The following CSMD2 variants were observed in gnomAD, a reference collection of about 807,000 sequenced individuals.
CSMD2 encodes the protein CUB and sushi domain-containing protein 2.
In CSMD2, 130 loss-of-function variants were observed where a neutral mutation model predicts 398.5. The observed-to-expected ratio is 0.33, with a 90% CI of 0.28 to 0.38. CSMD2 has a LOEUF of 0.38. Among genes scored for constraint, CSMD2 ranks in the 10% least tolerant of loss-of-function variants. The pLI is 1.00. For missense variants in CSMD2, 3,829 were observed against 4,764.9 expected, an observed-to-expected ratio of 0.80 and a Z score of 5.78; for synonymous variants, 1,828 against 1,908.5, an observed-to-expected ratio of 0.96 and a Z score of 1.10.
chr1:33,767,306 G>T (rs1424571448), intron 13 of CSMD2, among the ~76,000 whole-genome samples: 2 of 152,266 alleles, frequency 1.3e-5, no homozygotes, highest in African/African-American at 2.4e-5. Flanking sequence ...AAATCAGTTT[G>T]GTTTAAGGGA....
At chr1:34,086,431 G>A (rs937951532) in intron 2 of CSMD2, among the ~76,000 whole-genome samples, 3 of 152,114 alleles carry the variant, frequency 2.0e-5, no homozygotes, top group African/African-American at 7.2e-5. Context: ...TTCTCCACCT[G>A]GATATCTAAT....
At chr1:33,603,208 G>A (rs1254322514) in intron 42 of CSMD2, among the ~76,000 whole-genome samples, 3 of 152,122 alleles carry the variant, frequency 2.0e-5, no homozygotes, top group African/African-American at 7.2e-5. Context: ...CCTGGAAGAG[G>A]ACGCATTTGC....
rs57869140 is a variant in CSMD2 at position 33,956,207 on chromosome 1, TAA to T, written c.518-20255_518-20254del. 2.9e-3 allele frequency among the ~76,000 whole-genome samples: 414 copies of T among 142,808 alleles called. 1 individual carries two copies. The highest frequency in any genetic ancestry group is 9.6e-3 in the African/African-American group (378 of 39,486). The allele number at this position is 142,808 out of a possible 152,430, so 93.7% of individuals were successfully genotyped here. On this transcript the variant is annotated intron_variant, in intron 3 of 70. Transcript: ENST00000373381. The stretch of plus-strand genomic sequence containing the variant: ...ACATGTACCCTAGAACTTAAAGTAT[TAA>T]AAAAAAAAAAAAGAATATTCACATT...
intron 21 of CSMD2, 139 bp downstream of exon 21, chr1:33,714,447 CG>C (rs1399032273): frequency 3.1e-6 from 3 of 972,320 alleles, no homozygotes; most frequent in African/African-American, 3.3e-5. Context: ...TTACCTGCCC[CG>C]GGTCCCACTG....
intron 7 of CSMD2, 72 bp from the exon 8 acceptor site, chr1:33,820,628 C>T: frequency 9.8e-7 from 1 of 1,025,132 alleles, no homozygotes; most frequent in East Asian, 2.4e-5. Flanking sequence ...GAGGCACCAG[C>T]TGGGGCAATG....
intron 2 of CSMD2, among the ~76,000 whole-genome samples, chr1:34,085,467 T>C (rs1012079258): frequency 1.6e-4 from 24 of 152,164 alleles, no homozygotes; most frequent in African/African-American, 5.8e-4. Flanking sequence ...ACATAATTAT[T>C]TTCTTTTGGT....
At chr1:33,631,118 TA>T (rs951134889) in intron 32 of CSMD2, among the ~76,000 whole-genome samples, 4 of 150,058 alleles carry the variant, frequency 2.7e-5, no homozygotes, top group African/African-American at 4.9e-5. Context: ...CAATAAAAAT[TA>T]AAAAAAACCC....
At chr1:33,738,867 G>A (rs1034067164) in intron 15 of CSMD2, among the ~76,000 whole-genome samples, 1 of 152,218 alleles carries the variant, frequency 6.6e-6, no homozygotes, top group African/African-American at 2.4e-5. Flanking sequence ...TGATACCGAA[G>A]AGAGTTCTCA....
intron 1 of CSMD2, among the ~76,000 whole-genome samples, chr1:34,162,600 T>C (rs901295909): frequency 6.6e-6 from 1 of 152,094 alleles, no homozygotes; most frequent in African/African-American, 2.4e-5. Flanking sequence ...GGCTCACATC[T>C]GTAAGCCCAG....
chr1:34,037,491 A>G (rs1047545762), intron 2 of CSMD2, among the ~76,000 whole-genome samples: 6 of 152,208 alleles, frequency 3.9e-5, no homozygotes, highest in African/African-American at 1.4e-4. Context: ...CCTATGGATT[A>G]AAATAGTAAA....
At position 33,666,297 on chromosome 1, in the gene CSMD2, G is replaced by A. The variant is rs1644314270; in HGVS notation, c.4053-3205C>T. 2.0e-5 allele frequency among the ~76,000 whole-genome samples: 3 copies of A among 152,160 alleles called. No individual in the cohort carries two copies. The South Asian group carries it at 6.2e-4, about 31-fold the overall frequency. Reference sequence around the variant, plus strand: ...TTTTGATTGGGATTATATACACATTGATTAATTTGGAGATAATTGATATCT... The same window carrying A: ...TTTTGATTGGGATTATATACACATTAATTAATTTGGAGATAATTGATATCT... On this transcript the variant is annotated intron_variant, in intron 25 of 70. Coordinates refer to ENST00000373381, the MANE Select transcript of CSMD2 (RefSeq NM_001281956.2).
intron 13 of CSMD2, among the ~76,000 whole-genome samples, chr1:33,746,021 G>A (rs563149): frequency 0.011 from 1,637 of 152,266 alleles, 24 homozygotes; most frequent in African/African-American, 0.037. Context: ...AATGCAGCCT[G>A]ATTCTAGAGA....
At chr1:33,650,734 T>A (rs1430746556) in intron 28 of CSMD2, among the ~76,000 whole-genome samples, 1 of 152,326 alleles carries the variant, frequency 6.6e-6, no homozygotes, top group East Asian at 1.9e-4. Context: ...CCGTGTGAAA[T>A]GATCAGCCCT....
chr1:34,091,377 C>A (rs886368794), intron 1 of CSMD2, among the ~76,000 whole-genome samples: 1 of 152,180 alleles, frequency 6.6e-6, no homozygotes, highest in Non-Finnish European at 1.5e-5. Context: ...CAGCCCTATA[C>A]GGTAGATACT....
rs764477631 is a variant in CSMD2, at chr1:33,725,497, G to A, written c.2547C>T (p.Arg849=). Residue 849 remains arginine, a synonymous_variant, in exon 17 of 71, where the codon CGC becomes CGT. Transcript: ENST00000373381. The part of the protein sequence containing the change: ...TEVNYDTLEV[R]DGRTYSAPLI... ...AGGGCGCTGAGTAAGTCCGCCCATC[G>A]CGTACTTCCAGGGTGTCATAGTTGA... 20 of 1,614,100 alleles carry A rather than the reference G, an allele frequency of 1.2e-5. No homozygotes were observed. The South Asian group carries it at 1.3e-4, about 11-fold the overall frequency.
intron 13 of CSMD2, among the ~76,000 whole-genome samples, chr1:33,770,449 A>G (rs547959432): frequency 6.6e-6 from 1 of 152,338 alleles, no homozygotes; most frequent in African/African-American, 2.4e-5. Flanking sequence ...CTGGGTACTC[A>G]GTAGGGAGTG....
At chr1:33,707,647 GA>G (rs149383123) in intron 22 of CSMD2, among the ~76,000 whole-genome samples, 4,413 of 151,848 alleles carry the variant, frequency 0.029, 178 homozygotes, top group African/African-American at 0.093. Context: ...GATTAGGTAA[GA>G]GTGAGAAATG....
chr1:33,693,347 G>T (rs974233440), intron 24 of CSMD2, among the ~76,000 whole-genome samples: 1 of 152,338 alleles, frequency 6.6e-6, no homozygotes, highest in East Asian at 1.9e-4. Flanking sequence ...TACATGAAAA[G>T]ATGTTTAACA....
intron 44 of CSMD2, among the ~76,000 whole-genome samples, chr1:33,591,464 C>T (rs1639450108): frequency 6.6e-6 from 1 of 152,164 alleles, no homozygotes; most frequent in Non-Finnish European, 1.5e-5. Context: ...CAGAACATCA[C>T]AAGGAGTGGT....
Sources: allele counts gnomAD v4.1 joint callset (sites outside exome capture counted in the v4.1 genomes callset), GRCh38; gene constraint gnomAD v4.1.1; transcripts MANE v1.5; gene names NCBI Gene and HGNC (gene_info 2026-07-23, HGNC 2026-07-21).